MX1: variants seen among roughly 807,000 people sequenced by gnomAD.
MX1 encodes MX dynamin like GTPase 1.
Under a neutral mutation model 66.4 loss-of-function variants are expected in MX1, and 66 were observed. The ratio of observed to expected loss-of-function variants is 0.99; its 90% CI spans 0.82 to 1.22. The LOEUF is 1.22. Among genes scored for constraint, MX1 ranks in the 50% most tolerant of loss-of-function variants. MX1 has a pLI of 0.00. For missense variants in MX1, 787 were observed against 834.3 expected, an observed-to-expected ratio of 0.94 and a Z score of 0.70; for synonymous variants, 311 against 318.1, an observed-to-expected ratio of 0.98 and a Z score of 0.24.
rs913821501 is a variant in MX1, at chr21:41,426,277, C to T, written c.-309+14C>T. The stretch of plus-strand genomic sequence containing the variant: ...GCGCAGGGACCGGTGAGTGTCGCTT[C>T]TGGGGGCAGCGCCCAGTAACCGCGC... On this transcript the variant is annotated intron_variant, in intron 1 of 16. Coordinates refer to ENST00000398598, the MANE Select transcript of MX1 (RefSeq NM_002462.5). 8 of 152,882 alleles carry T rather than the reference C, an allele frequency of 5.2e-5. No homozygotes were observed. The highest frequency in any genetic ancestry group is 1.9e-4 in the African/African-American group (8 of 41,480). The allele number at this position is 152,882 out of a possible 1,614,324, so 9.5% of individuals were successfully genotyped here.
At chr21:41,440,057 G>A (rs2090466071) in intron 8 of MX1, among the ~76,000 whole-genome samples, 1 of 152,208 alleles carries the variant, frequency 6.6e-6, no homozygotes, top group Non-Finnish European at 1.5e-5. Context: ...TTTGGAGAAA[G>A]TGAGGCCAGT....
chr21:41,457,777 A>G (rs1024915171), intron 16 of MX1, among the ~76,000 whole-genome samples: 1 of 152,192 alleles, frequency 6.6e-6, no homozygotes, highest in Admixed American at 6.5e-5. Flanking sequence ...ATATTGTGCC[A>G]GCATCACCAG....
chr21:41,422,154 T>C (rs461981), upstream of MX1: 52,991 of 152,050 alleles, frequency 0.35, 10,562 homozygotes, highest in East Asian at 0.58. Flanking sequence ...ATAAAGGTCA[T>C]AAAGACCTTG....
intron 7 of MX1, among the ~76,000 whole-genome samples, chr21:41,437,878 A>G (rs468917): frequency 0.37 from 56,387 of 151,914 alleles, 12,032 homozygotes; most frequent in Non-Finnish European, 0.5. Flanking sequence ...TCTAAGAAAG[A>G]GGAGTGACTG....
Position 41,432,151 on chromosome 21 carries a change from T to C in MX1, c.81T>C (p.Thr27=), listed in dbSNP as rs1464438151. 1.2e-6 allele frequency: 2 copies of C among 1,614,150 alleles called. No homozygotes were observed. Among genetic ancestry groups the C allele is most frequent in the Admixed American group, 1.7e-5 (1 of 60,032 alleles). The change falls in exon 5 of 17, where the codon ACT becomes ACC. Residue 27 remains threonine (T), a synonymous_variant. Coordinates refer to ENST00000398598, the MANE Select transcript of MX1 (RefSeq NM_002462.5). ...CTCTATTACTGAATGGAGATGCTAC[T>C]GTGGCCCAGAAAAATCCAGGCTCGG... ...SHPLLLNGDA[T]VAQKNPGSVA...
upstream of MX1, among the ~76,000 whole-genome samples, chr21:41,425,316 T>C (rs2090039817): frequency 2.0e-5 from 3 of 152,140 alleles, no homozygotes; most frequent in Non-Finnish European, 4.4e-5. Flanking sequence ...GGTTGTTCTC[T>C]GGTGGGCAGG....
intron 13 of MX1, among the ~76,000 whole-genome samples, chr21:41,448,342 A>G (rs2146300127): frequency 6.6e-6 from 1 of 152,350 alleles, no homozygotes; most frequent in East Asian, 1.9e-4. Flanking sequence ...CACTTTCTAC[A>G]CATGGCAATA....
Position 41,439,879 on chromosome 21 carries a change from C to T in MX1, c.591+31C>T, listed in dbSNP as rs113225891. The T allele has an allele frequency of 5.5e-3, 5,341 of 966,460 alleles. 162 individuals carry two copies. The African/African-American group carries it at 0.074, about 13-fold the overall frequency. 59.9% of individuals were successfully genotyped at this position (966,460 alleles called of 1,614,324 possible). Reference sequence around the variant, plus strand: ...ACTTCAGACCCATTCTGACCTTGGCCGTGGCGTGGGGATGGGGGAGTGGAG... The same window carrying T: ...ACTTCAGACCCATTCTGACCTTGGCTGTGGCGTGGGGATGGGGGAGTGGAG... On this transcript the variant is annotated intron_variant, in intron 8 of 16. Transcript: ENST00000398598.
chr21:41,422,938 A>G (rs912354322), upstream of MX1: 4 of 152,208 alleles, frequency 2.6e-5, no homozygotes, highest in African/African-American at 9.7e-5. Context: ...GAGTCCCTCT[A>G]GCTGATGTTA....
At chr21:41,436,181 T>C (rs2090355384) in intron 6 of MX1, 152 bp downstream of exon 6, 1 of 909,576 alleles carries the variant, frequency 1.1e-6, no homozygotes, top group South Asian at 1.8e-5. Context: ...CCTTTCTCCA[T>C]GGCTTGCAGA....
intron 7 of MX1, among the ~76,000 whole-genome samples, chr21:41,437,853 G>A (rs766972976): frequency 6.6e-6 from 1 of 152,176 alleles, no homozygotes; most frequent in Non-Finnish European, 1.5e-5. Flanking sequence ...ACCCCACTCA[G>A]AACCAGCACC....
chr21:41,450,513 T>C (rs2090793551), intron 14 of MX1, among the ~76,000 whole-genome samples: 1 of 152,182 alleles, frequency 6.6e-6, no homozygotes, highest in Non-Finnish European at 1.5e-5. Flanking sequence ...CTGATAATCA[T>C]ATACCAAAAC....
chr21:41,446,322 T>C (rs543254743), intron 13 of MX1, among the ~76,000 whole-genome samples, 181 bp downstream of exon 13: 7 of 152,350 alleles, frequency 4.6e-5, no homozygotes, highest in African/African-American at 1.7e-4. Flanking sequence ...ACCTTCTAGC[T>C]GTGTCCTCTC....
intron 5 of MX1, among the ~76,000 whole-genome samples, chr21:41,435,288 G>A (rs1465029962): frequency 6.6e-6 from 1 of 152,032 alleles, no homozygotes; most frequent in African/African-American, 2.4e-5. Flanking sequence ...TGGGATCTTT[G>A]GGTTTATGGT....
At chr21:41,456,050 T>C (rs2090950351) in intron 16 of MX1, among the ~76,000 whole-genome samples, 1 of 152,204 alleles carries the variant, frequency 6.6e-6, no homozygotes, top group Non-Finnish European at 1.5e-5. Context: ...GAGACCAGCC[T>C]GGCCAACATG....
rs1386633584 is a variant in MX1 at position 41,451,166 on chromosome 21, G to C, written c.1433-1G>C. Reference sequence around the variant, plus strand: ...TGAACTATTTTTCTCTCTTTGATTAGATATGGTCCGGCTTGCTTTCACAGA... The same window carrying C: ...TGAACTATTTTTCTCTCTTTGATTACATATGGTCCGGCTTGCTTTCACAGA... On this transcript the variant is annotated splice_acceptor_variant, in intron 14 of 16. Transcript: ENST00000398598. LOFTEE classifies it high-confidence loss of function. The C allele has an allele frequency of 6.2e-7, 1 of 1,604,354 alleles. No individual in the cohort carries two copies. The highest frequency in any genetic ancestry group is 2.2e-5 in the East Asian group (1 of 44,778).
At chr21:41,455,231 CAG>C (rs1568998908) in intron 16 of MX1, among the ~76,000 whole-genome samples, 1 of 152,140 alleles carries the variant, frequency 6.6e-6, no homozygotes, top group Admixed American at 6.5e-5. Flanking sequence ...AACGGGCTCT[CAG>C]GGGTCACCAT....
Position 41,443,999 on chromosome 21 carries a change from G to A in MX1, c.1008+133G>A, listed in dbSNP as rs1239172275. Reference sequence around the variant, plus strand: ...TTGTTAAGATGCAGTTTCAGATTCTGTGGGTCTGGAGTGGGGCCTAGAATT... The same window carrying A: ...TTGTTAAGATGCAGTTTCAGATTCTATGGGTCTGGAGTGGGGCCTAGAATT... On this transcript the variant is annotated intron_variant, in intron 11 of 16. Transcript: ENST00000398598. 11 of 858,256 alleles carry A rather than the reference G, an allele frequency of 1.3e-5. 1 individual carries two copies. The allele number at this position is 858,256 out of a possible 1,614,324, so 53.2% of individuals were successfully genotyped here.
At chr21:41,422,305 G>C (rs959075044), upstream of MX1, among the ~76,000 whole-genome samples, 1 of 152,232 alleles carries the variant, frequency 6.6e-6, no homozygotes, top group African/African-American at 2.4e-5. Flanking sequence ...ATGTCAGGAA[G>C]TTACCCTACA....
Sources: gnomAD v4.1 joint callset for allele counts (sites outside exome capture counted in the v4.1 genomes callset) on GRCh38, gnomAD v4.1.1 for gene constraint, MANE v1.5 for transcripts, NCBI Gene and HGNC (gene_info 2026-07-23, HGNC 2026-07-21) for gene names.